The following PRDM5 variants were observed in gnomAD, a reference collection of about 807,000 sequenced individuals.
The protein encoded by PRDM5 is PR domain zinc finger protein 5.
PRDM5 carries 56 observed loss-of-function variants against 81.2 expected under a neutral mutation model. The observed-to-expected ratio is 0.69, with a 90% confidence interval of 0.56 to 0.86. PRDM5 has a LOEUF of 0.86. Ranked by LOEUF, PRDM5 falls within the 40% of genes least tolerant of loss-of-function variation. The probability of loss-of-function intolerance (pLI) is 0.00; values close to 1 mark genes in which losing one functional copy is unlikely to be tolerated. For synonymous variants in PRDM5, 267 were observed against 256.4 expected (o/e 1.04, Z -0.39); for missense variants, 697 against 770.1 (o/e 0.91, Z 1.12).
chr4:120,834,240 C>T (rs1757080426), intron 3 of PRDM5, among the ~76,000 whole-genome samples: 2 of 152,022 alleles, frequency 1.3e-5, no homozygotes, highest in Admixed American at 6.6e-5. Context: ...ATTTGTGTCC[C>T]CCCAAATTCA....
intron 1 of PRDM5, among the ~76,000 whole-genome samples, chr4:120,911,840 A>G (rs559902956): frequency 6.6e-6 from 1 of 152,328 alleles, no homozygotes; most frequent in Admixed American, 6.5e-5. Context: ...TTGTAAGCCC[A>G]TACTGTCAGT....
intron 14 of PRDM5, among the ~76,000 whole-genome samples, chr4:120,727,682 T>C (rs888109110): frequency 6.6e-6 from 1 of 152,116 alleles, no homozygotes; most frequent in East Asian, 1.9e-4. Context: ...ACGCATGTAA[T>C]CCCAACACTT....
intron 8 of PRDM5, among the ~76,000 whole-genome samples, chr4:120,809,684 T>A (rs575633491): frequency 6.6e-6 from 1 of 152,342 alleles, no homozygotes; most frequent in South Asian, 2.1e-4. Flanking sequence ...TATAGCATCA[T>A]CTACTGGCAA....
At chr4:120,794,284 A>C (rs765603146) in intron 10 of PRDM5, among the ~76,000 whole-genome samples, 1 of 152,108 alleles carries the variant, frequency 6.6e-6, no homozygotes, top group Non-Finnish European at 1.5e-5. Flanking sequence ...TTGAGTGAAC[A>C]TCACTCAGTC....
intron 3 of PRDM5, among the ~76,000 whole-genome samples, chr4:120,844,300 C>T (rs904156809): frequency 3.9e-5 from 6 of 152,130 alleles, no homozygotes; most frequent in Non-Finnish European, 7.3e-5. Context: ...CACTTACAGG[C>T]GTACTTTGTT....
chr4:120,721,062 T>C (rs1007162052), intron 14 of PRDM5, among the ~76,000 whole-genome samples: 11 of 152,172 alleles, frequency 7.2e-5, no homozygotes, highest in Non-Finnish European at 1.5e-4. Flanking sequence ...ATAAATGAAA[T>C]GGCTGGGCAG....
At chr4:120,761,737 C>T (rs1167924382) in intron 13 of PRDM5, among the ~76,000 whole-genome samples, 2 of 152,026 alleles carry the variant, frequency 1.3e-5, no homozygotes, top group African/African-American at 4.8e-5. Flanking sequence ...TAAAGAAAAA[C>T]CTTGCAAATC....
At chr4:120,920,190 C>G (rs765588737) in intron 1 of PRDM5, among the ~76,000 whole-genome samples, 5 of 152,138 alleles carry the variant, frequency 3.3e-5, no homozygotes, top group Non-Finnish European at 7.3e-5. Context: ...ATTCCCCAAC[C>G]TCAGTCTGGA....
At chr4:120,741,101 C>G (rs1020816413) in intron 14 of PRDM5, among the ~76,000 whole-genome samples, 7 of 152,154 alleles carry the variant, frequency 4.6e-5, no homozygotes, top group African/African-American at 1.7e-4. Flanking sequence ...AACCAACTTG[C>G]TTTTGCATCT....
intron 14 of PRDM5, among the ~76,000 whole-genome samples, chr4:120,745,850 AT>A (rs1395591471): frequency 2.0e-5 from 3 of 147,722 alleles, no homozygotes; most frequent in Non-Finnish European, 4.5e-5. Flanking sequence ...GAAAATGGCC[AT>A]ACTGCCCAAG....
intron 8 of PRDM5, among the ~76,000 whole-genome samples, chr4:120,804,165 T>C (rs1010743646): frequency 1.2e-4 from 19 of 152,298 alleles, no homozygotes; most frequent in Admixed American, 3.3e-4. Context: ...CCTAAATATA[T>C]ATGCACCCAA....
intron 8 of PRDM5, 152 bp from the exon 9 acceptor site, chr4:120,799,897 A>G (rs113343646): frequency 5.9e-6 from 8 of 1,357,044 alleles, no homozygotes; most frequent in African/African-American, 4.4e-5. Context: ...ACTAACCTAT[A>G]TACACTGAAA....
chr4:120,860,847 C>T (rs1009444546), intron 2 of PRDM5, among the ~76,000 whole-genome samples: 12 of 152,098 alleles, frequency 7.9e-5, no homozygotes, highest in Non-Finnish European at 1.5e-4. Context: ...AATAATAAGG[C>T]CAGCATGTCT....
At chr4:120,839,558 C>G (rs923351942) in intron 3 of PRDM5, among the ~76,000 whole-genome samples, 1 of 152,136 alleles carries the variant, frequency 6.6e-6, no homozygotes, top group African/African-American at 2.4e-5. Flanking sequence ...TTACAGGCCT[C>G]GGAGGGGAGG....
intron 13 of PRDM5, among the ~76,000 whole-genome samples, chr4:120,771,494 T>C (rs1747290396): frequency 6.6e-6 from 1 of 152,236 alleles, no homozygotes; most frequent in East Asian, 1.9e-4. Flanking sequence ...TTAAAAAAAG[T>C]CTTAGTTAAT....
intron 3 of PRDM5, among the ~76,000 whole-genome samples, chr4:120,841,741 T>C (rs979884526): frequency 7.9e-5 from 12 of 152,250 alleles, no homozygotes; most frequent in African/African-American, 2.6e-4. Context: ...CACACGTACA[T>C]GGTTGTTAGT....
chr4:120,828,169 T>A (rs1756259686), intron 3 of PRDM5, among the ~76,000 whole-genome samples: 1 of 152,126 alleles, frequency 6.6e-6, no homozygotes, highest in Non-Finnish European at 1.5e-5. Context: ...TTACAGATCT[T>A]AAGCAAGGTT....
intron 10 of PRDM5, among the ~76,000 whole-genome samples, chr4:120,790,233 T>A (rs2149261946): frequency 6.6e-6 from 1 of 152,338 alleles, no homozygotes; most frequent in South Asian, 2.1e-4. Flanking sequence ...CAGCTACCAT[T>A]TATTACAGCT....
At chr4:120,754,157 C>T (rs1024274061) in intron 14 of PRDM5, among the ~76,000 whole-genome samples, 1 of 152,176 alleles carries the variant, frequency 6.6e-6, no homozygotes, top group Non-Finnish European at 1.5e-5. Flanking sequence ...TATACTTGCT[C>T]ATCAGTATTA....
Sources: gnomAD v4.1 joint callset for allele counts (sites outside exome capture counted in the v4.1 genomes callset) on GRCh38, gnomAD v4.1.1 for gene constraint, MANE v1.5 for transcripts, NCBI Gene and HGNC (gene_info 2026-07-23, HGNC 2026-07-21) for gene names.